The following MAST4 variants were observed in gnomAD, a reference collection of about 807,000 sequenced individuals.
The protein encoded by MAST4 is microtubule associated serine/threonine kinase family member 4.
A neutral mutation model predicts 162.7 loss-of-function variants in MAST4; 89 were observed. The ratio of observed to expected loss-of-function variants is 0.55; its 90% confidence interval spans 0.46 to 0.65. The LOEUF (loss-of-function observed/expected upper bound fraction) is 0.65, where lower values mean the gene tolerates loss of function less well. MAST4 is among the 30% of genes least tolerant of loss of function. The probability of loss-of-function intolerance (pLI) is 0.00; values close to 1 mark genes in which losing one functional copy is unlikely to be tolerated. For synonymous variants in MAST4, 1,479 were observed against 1,361.1 expected (o/e 1.09, Z -1.91); for missense variants, 3,153 against 3,374.0 (o/e 0.93, Z 1.62).
intron 4 of MAST4, chr5:67,005,068 G>C (rs769307561): frequency 1.3e-6 from 1 of 768,434 alleles, no homozygotes; most frequent in South Asian, 1.4e-5. Context: ...GTGGGAACAG[G>C]CTTCGGCGAA....
rs888130083 is a variant in MAST4 at position 66,884,127 on chromosome 5, C to G, written c.643-15824C>G. ...TTAGGGCTTATTTAAACCTCCATTT[C>G]TCAAAGTGTATTCTTTCAGAAGCAC... On this transcript the variant is annotated intron_variant, in intron 3 of 28. Transcript: ENST00000403625. Among the ~76,000 whole-genome samples the G allele has an allele frequency of 1.1e-3, 175 of 152,286 alleles. 1 individual carries two copies. The highest frequency in any genetic ancestry group is 4.0e-3 in the African/African-American group (166 of 41,550).
chr5:67,076,810 A>G (rs1761706821), intron 5 of MAST4, among the ~76,000 whole-genome samples: 1 of 152,200 alleles, frequency 6.6e-6, no homozygotes, highest in Non-Finnish European at 1.5e-5. Flanking sequence ...ACGGGAGTAT[A>G]GTGGTTATTA....
chr5:66,616,568 C>T (rs1018432351), intron 1 of MAST4, among the ~76,000 whole-genome samples: 1 of 151,980 alleles, frequency 6.6e-6, no homozygotes, highest in Non-Finnish European at 1.5e-5. Context: ...AAGCCCAGAG[C>T]GGGGCTCTTC....
chr5:66,806,004 C>T (rs1477667815), intron 3 of MAST4, among the ~76,000 whole-genome samples: 2 of 152,184 alleles, frequency 1.3e-5, no homozygotes, highest in Non-Finnish European at 1.5e-5. Context: ...GTGTTCTCTG[C>T]TATGGAAACT....
chr5:66,832,450 C>T (rs1199373153), intron 3 of MAST4, among the ~76,000 whole-genome samples: 1 of 152,012 alleles, frequency 6.6e-6, no homozygotes. Flanking sequence ...GCCCTTCCCA[C>T]CTTATTTAAA....
chr5:66,868,090 A>G (rs1760659618), intron 3 of MAST4, among the ~76,000 whole-genome samples: 1 of 152,244 alleles, frequency 6.6e-6, no homozygotes, highest in African/African-American at 2.4e-5. Context: ...TCCCTGTGAT[A>G]CCACTTATGA....
intron 4 of MAST4, chr5:67,005,098 G>A: frequency 2.7e-6 from 2 of 747,934 alleles, no homozygotes; most frequent in Non-Finnish European, 5.0e-6. Flanking sequence ...AAAAACGCGG[G>A]GATCTCTGCC....
chr5:66,678,756 G>A (rs1748125419), intron 1 of MAST4, among the ~76,000 whole-genome samples: 1 of 150,466 alleles, frequency 6.6e-6, no homozygotes, highest in Non-Finnish European at 1.5e-5. Context: ...GCCTCCCACA[G>A]TGCTGGATTA....
At position 66,800,349 on chromosome 5, in the gene MAST4, A is replaced by G. The variant is rs577022078; in HGVS notation, c.642+11555A>G. Among the ~76,000 whole-genome samples the G allele has an allele frequency of 2.0e-5, 3 of 152,336 alleles. No homozygotes were observed. The South Asian group carries it at 6.2e-4, about 32-fold the overall frequency. On this transcript the variant is annotated intron_variant, in intron 3 of 28. Transcript: ENST00000403625. ...AATGTGGGTGCAGATACATCATGGA[A>G]TATTATGCAGCCATAGCAATGAACA...
At chr5:67,060,142 C>T (rs1351657754) in intron 5 of MAST4, among the ~76,000 whole-genome samples, 1 of 152,084 alleles carries the variant, frequency 6.6e-6, no homozygotes, top group Admixed American at 6.5e-5. Context: ...TCTTAAGGAC[C>T]TTTCTCCTTT....
At chr5:66,940,875 A>G (rs1372694097) in intron 4 of MAST4, among the ~76,000 whole-genome samples, 2 of 152,204 alleles carry the variant, frequency 1.3e-5, no homozygotes, top group African/African-American at 4.8e-5. Context: ...CTTGGGAATC[A>G]GAATTACTCC....
At chr5:66,717,528 G>A (rs997384739) in intron 1 of MAST4, among the ~76,000 whole-genome samples, 1 of 152,164 alleles carries the variant, frequency 6.6e-6, no homozygotes, top group Admixed American at 6.5e-5. Flanking sequence ...ACCTAGTGCA[G>A]TCTCAGCCAG....
At chr5:66,727,436 T>G (rs1751592880) in intron 1 of MAST4, among the ~76,000 whole-genome samples, 1 of 152,186 alleles carries the variant, frequency 6.6e-6, no homozygotes, top group African/African-American at 2.4e-5. Flanking sequence ...TATCCTGCAA[T>G]GGACAGGATG....
intron 4 of MAST4, among the ~76,000 whole-genome samples, chr5:66,915,198 G>A (rs1390555089): frequency 3.3e-5 from 5 of 150,890 alleles, no homozygotes; most frequent in South Asian, 2.1e-4. Context: ...CCCAGGAGGC[G>A]GAGGTAGCAG....
chr5:67,139,723 A>G (rs1770129391), intron 19 of MAST4, among the ~76,000 whole-genome samples: 1 of 152,234 alleles, frequency 6.6e-6, no homozygotes, highest in Non-Finnish European at 1.5e-5. Context: ...TATCATTTGC[A>G]TGAGTGATTT....
intron 4 of MAST4, among the ~76,000 whole-genome samples, chr5:66,941,691 G>C (rs1336678791): frequency 6.6e-6 from 1 of 152,112 alleles, no homozygotes; most frequent in African/African-American, 2.4e-5. Flanking sequence ...TTCGCTACCT[G>C]TTTGGTGCAG....
chr5:66,704,097 A>G (rs1302807526), intron 1 of MAST4, among the ~76,000 whole-genome samples: 3 of 152,206 alleles, frequency 2.0e-5, no homozygotes, highest in Non-Finnish European at 4.4e-5. Flanking sequence ...TATGATTAAG[A>G]AACACACTTC....
chr5:66,887,696 A>G (rs1403052816), intron 3 of MAST4, among the ~76,000 whole-genome samples: 1 of 152,220 alleles, frequency 6.6e-6, no homozygotes, highest in African/African-American at 2.4e-5. Context: ...TAGTTGCAGG[A>G]TAGTGGTAAG....
chr5:66,820,389 C>T (rs899935483), intron 3 of MAST4, among the ~76,000 whole-genome samples: 1 of 152,120 alleles, frequency 6.6e-6, no homozygotes, highest in Non-Finnish European at 1.5e-5. Flanking sequence ...TGATAGGTAT[C>T]ATACAATGAC....
Sources: allele counts gnomAD v4.1 joint callset (sites outside exome capture counted in the v4.1 genomes callset), GRCh38; gene constraint gnomAD v4.1.1; transcripts MANE v1.5; gene names NCBI Gene and HGNC (gene_info 2026-07-23, HGNC 2026-07-21).